Variants in PLXDC2 observed in about 807,000 individuals in gnomAD.
The protein encoded by PLXDC2 is plexin domain-containing protein 2.
Under a neutral mutation model 68.9 loss-of-function variants are expected in PLXDC2, and 40 were observed. The ratio of observed to expected loss-of-function variants is 0.58; its 90% CI spans 0.45 to 0.76. The LOEUF is 0.76. PLXDC2 is among the 30% of genes least tolerant of loss of function. The pLI, the probability that PLXDC2 is intolerant of heterozygous loss-of-function variation, is 0.00. For synonymous variants in PLXDC2, 243 were observed against 234.2 expected (o/e 1.04, Z -0.34); for missense variants, 644 against 661.9 (o/e 0.97, Z 0.30).
intron 1 of PLXDC2, among the ~76,000 whole-genome samples, chr10:19,998,206 G>A (rs1356495137): frequency 1.3e-5 from 2 of 152,136 alleles, no homozygotes; most frequent in Non-Finnish European, 2.9e-5. Flanking sequence ...TGAGTAATTT[G>A]TTTTGGTGCT....
chr10:19,878,795 C>T (rs952707555), intron 1 of PLXDC2, among the ~76,000 whole-genome samples: 1 of 152,150 alleles, frequency 6.6e-6, no homozygotes, highest in African/African-American at 2.4e-5. Flanking sequence ...ATTGCCCTGT[C>T]ATCTCCCACA....
intron 4 of PLXDC2, among the ~76,000 whole-genome samples, chr10:20,136,563 A>G (rs1833935785): frequency 6.6e-6 from 1 of 152,336 alleles, no homozygotes; most frequent in Non-Finnish European, 1.5e-5. Flanking sequence ...AGTGGAATAT[A>G]TATAAGGTTA....
chr10:19,817,035 C>T lies in PLXDC2; in HGVS notation c.-45C>T, dbSNP rs1357050710. 4 of 1,469,260 alleles carry T rather than the reference C, an allele frequency of 2.7e-6. 1 individual carries two copies. In the Admixed American group the frequency reaches 7.9e-5, roughly 29 times the overall value. The allele number at this position is 1,469,260 out of a possible 1,614,324, so 91.0% of individuals were successfully genotyped here. A position where few individuals can be genotyped will look rare whatever the true frequency, so the allele number is the denominator to read the frequency against. On this transcript the variant is annotated 5_prime_UTR_variant, in exon 1 of 14. Coordinates refer to ENST00000377252, the MANE Select transcript of PLXDC2 (RefSeq NM_032812.9). ...CTATTGCATCGGGAGCCCCCGAGCA[C>T]CGGCGAAGGACTGGCGGGTGGGGTA...
intron 13 of PLXDC2, among the ~76,000 whole-genome samples, chr10:20,274,536 G>C (rs1835979749): frequency 6.6e-6 from 1 of 152,072 alleles, no homozygotes; most frequent in Non-Finnish European, 1.5e-5. Flanking sequence ...AGCTGACGCA[G>C]GAAAATAAGG....
intron 1 of PLXDC2, among the ~76,000 whole-genome samples, chr10:19,887,033 C>G (rs562942810): frequency 6.6e-6 from 1 of 152,160 alleles, no homozygotes; most frequent in Admixed American, 6.5e-5. Flanking sequence ...GACTTCATAG[C>G]TCCCCTGAAA....
At chr10:20,020,524 C>T (rs1835290233) in intron 2 of PLXDC2, among the ~76,000 whole-genome samples, 1 of 151,618 alleles carries the variant, frequency 6.6e-6, no homozygotes, top group African/African-American at 2.4e-5. Flanking sequence ...GATTTCATAA[C>T]CACCTGTATA....
At chr10:20,034,234 G>A (rs1835544373) in intron 2 of PLXDC2, among the ~76,000 whole-genome samples, 1 of 152,034 alleles carries the variant, frequency 6.6e-6, no homozygotes, top group African/African-American at 2.4e-5. Context: ...ACATATATAT[G>A]ATTTCATTTT....
intron 1 of PLXDC2, among the ~76,000 whole-genome samples, chr10:19,835,230 C>T (rs760778528): frequency 5.3e-5 from 8 of 152,102 alleles, no homozygotes; most frequent in Non-Finnish European, 1.2e-4. Flanking sequence ...CGCACCCAGA[C>T]AGGTTTTTTA....
intron 6 of PLXDC2, among the ~76,000 whole-genome samples, chr10:20,162,069 AGAGAAGGAAGGAAGGAAG>A (rs1355558034): frequency 4.8e-4 from 14 of 28,924 alleles, no homozygotes; most frequent in African/African-American, 1.3e-3. Context: ...AGAGAGAGAG[AGAGAAGGAAGGAAGGAAG>A]GAAGGAAGGA....
chr10:20,169,725 T>C (rs1834421552), intron 7 of PLXDC2, among the ~76,000 whole-genome samples: 1 of 152,196 alleles, frequency 6.6e-6, no homozygotes, highest in South Asian at 2.1e-4. Context: ...TGTGGTTCTT[T>C]AATTTGGAAC....
chr10:19,937,692 A>C (rs957838991), intron 1 of PLXDC2, among the ~76,000 whole-genome samples: 7 of 151,804 alleles, frequency 4.6e-5, no homozygotes, highest in Non-Finnish European at 1.0e-4. Flanking sequence ...AAAAACAAGG[A>C]AACACAAGGA....
At chr10:19,858,234 T>G (rs1335306288) in intron 1 of PLXDC2, among the ~76,000 whole-genome samples, 2 of 152,146 alleles carry the variant, frequency 1.3e-5, no homozygotes, top group African/African-American at 4.8e-5. Flanking sequence ...TTACCCTCCT[T>G]CATCACTCAT....
chr10:19,994,487 C>G (rs1354033730), intron 1 of PLXDC2, among the ~76,000 whole-genome samples: 1 of 151,186 alleles, frequency 6.6e-6, no homozygotes, highest in East Asian at 2.0e-4. Context: ...CACCACCATA[C>G]CCAAATGTTT....
chr10:19,824,196 G>T (rs1836531305), intron 1 of PLXDC2, among the ~76,000 whole-genome samples: 1 of 152,188 alleles, frequency 6.6e-6, no homozygotes, highest in African/African-American at 2.4e-5. Flanking sequence ...TTTTGAACTT[G>T]TTTGTGTCTT....
At chr10:19,991,636 C>T (rs1353180395) in intron 1 of PLXDC2, among the ~76,000 whole-genome samples, 1 of 152,074 alleles carries the variant, frequency 6.6e-6, no homozygotes, top group East Asian at 1.9e-4. Flanking sequence ...TCAGCCTGGG[C>T]TCAATGTTGC....
intron 4 of PLXDC2, among the ~76,000 whole-genome samples, chr10:20,081,026 G>T (rs1446425589): frequency 2.0e-5 from 3 of 152,324 alleles, no homozygotes; most frequent in African/African-American, 7.2e-5. Context: ...ACCCCAGAAG[G>T]TTCTCCCAGT....
In PLXDC2 at chr10:19,941,793, T is replaced by G. The variant is rs150607081; in HGVS notation, c.113-59982T>G. 3.3e-5 allele frequency among the ~76,000 whole-genome samples: 5 copies of G among 152,298 alleles called. No individual in the cohort carries two copies. The East Asian group carries it at 7.7e-4, about 24-fold the overall frequency. ...CTTTTCTCCCCCTTCACTTCATACC[T>G]TTTGACTCTGCTAACGTGTTGAGTT... is the stretch of plus-strand genomic sequence containing the variant. On this transcript the variant is annotated intron_variant, in intron 1 of 13. Transcript: ENST00000377252.
At chr10:20,047,777 CAGATA>C (rs1835822155) in intron 3 of PLXDC2, among the ~76,000 whole-genome samples, 1 of 152,102 alleles carries the variant, frequency 6.6e-6, no homozygotes, top group Non-Finnish European at 1.5e-5. Context: ...TCACACATTG[CAGATA>C]AGAGAACGGA....
chr10:20,081,092 G>A (rs1177321683), intron 4 of PLXDC2, among the ~76,000 whole-genome samples: 1 of 152,158 alleles, frequency 6.6e-6, no homozygotes, highest in Non-Finnish European at 1.5e-5. Flanking sequence ...AGTAATCATT[G>A]TGAAATACAC....
Sources: gnomAD v4.1 joint callset for allele counts (sites outside exome capture counted in the v4.1 genomes callset) on GRCh38, gnomAD v4.1.1 for gene constraint, MANE v1.5 for transcripts, NCBI Gene and HGNC (gene_info 2026-07-23, HGNC 2026-07-21) for gene names.